Variants in CCSER2 observed in about 807,000 individuals in gnomAD.
CCSER2 encodes the protein coiled-coil serine rich protein 2.
A neutral mutation model predicts 92.3 loss-of-function variants in CCSER2; 46 were observed. That is an observed-to-expected ratio of 0.50 (90% CI 0.39 to 0.64). CCSER2 has a LOEUF of 0.64. Ranked by LOEUF, CCSER2 falls within the 30% of genes least tolerant of loss-of-function variation. CCSER2 has a pLI of 0.00. For missense variants in CCSER2, 1,244 were observed against 1,238.9 expected, an observed-to-expected ratio of 1.00 and a Z score of -0.06; for synonymous variants, 433 against 431.4, an observed-to-expected ratio of 1.00 and a Z score of -0.04.
At chr10:84,411,920 T>G (rs2133366136) in intron 3 of CCSER2, among the ~76,000 whole-genome samples, 1 of 152,302 alleles carries the variant, frequency 6.6e-6, no homozygotes, top group South Asian at 2.1e-4. Flanking sequence ...GCTTTTGCCC[T>G]TTCAGTATGA....
Position 84,513,830 on chromosome 10 carries a change from G to T in CCSER2, c.2707G>T (p.Val903Phe), listed in dbSNP as rs565373126. 382 of 1,536,304 alleles carry T rather than the reference G, an allele frequency of 2.5e-4. 3 individuals are homozygous for T. The South Asian group carries it at 4.4e-3, about 18-fold the overall frequency. Residue 903 changes from valine to phenylalanine, a missense_variant, in exon 10 of 10, where the codon GTT becomes TTT. Coordinates refer to ENST00000372088, the MANE Select transcript of CCSER2 (RefSeq NM_001284240.2). ...AAGTACAGTAGACCAGGCTAAGAGA[G>T]TTGGAAGAAATCAGTCTCCGCCAGT... ...ESSTVDQAKR[V>F]GRNQSPPVGY...
intron 6 of CCSER2, among the ~76,000 whole-genome samples, chr10:84,444,050 T>C (rs1054978825): frequency 6.6e-6 from 1 of 151,918 alleles, no homozygotes; most frequent in Non-Finnish European, 1.5e-5. Context: ...AGATGACAGG[T>C]CAATGGGTGT....
chr10:84,390,250 C>A (rs954834443), intron 3 of CCSER2, among the ~76,000 whole-genome samples: 1 of 152,108 alleles, frequency 6.6e-6, no homozygotes, highest in Non-Finnish European at 1.5e-5. Context: ...CGGTGATAAA[C>A]CTGACTTCCA....
intron 1 of CCSER2, among the ~76,000 whole-genome samples, chr10:84,368,069 T>G (rs1845875296): frequency 6.6e-6 from 1 of 152,152 alleles, no homozygotes; most frequent in Admixed American, 6.6e-5. Flanking sequence ...CAACTCAGTA[T>G]AGGGACTTAG....
At chr10:84,449,607 C>T (rs1341580079) in intron 6 of CCSER2, among the ~76,000 whole-genome samples, 1 of 152,166 alleles carries the variant, frequency 6.6e-6, no homozygotes, top group African/African-American at 2.4e-5. Context: ...ATAATCCCAG[C>T]ACTTTGGGAG....
intron 3 of CCSER2, among the ~76,000 whole-genome samples, chr10:84,397,244 C>T (rs1255693158): frequency 6.6e-6 from 1 of 152,172 alleles, no homozygotes; most frequent in African/African-American, 2.4e-5. Flanking sequence ...CTCATAAAAT[C>T]ATCCTATGAT....
At chr10:84,445,974 G>A (rs982846447) in intron 6 of CCSER2, among the ~76,000 whole-genome samples, 1 of 152,102 alleles carries the variant, frequency 6.6e-6, no homozygotes, top group Non-Finnish European at 1.5e-5. Flanking sequence ...CTGTAAGTGG[G>A]ATTGCTGGGT....
chr10:84,483,021 A>T (rs1256808482), intron 9 of CCSER2, among the ~76,000 whole-genome samples: 2 of 152,230 alleles, frequency 1.3e-5, no homozygotes, highest in Non-Finnish European at 2.9e-5. Context: ...TGAATCAAAG[A>T]TTAATCCATG....
At chr10:84,505,395 A>G (rs1848987337) in intron 9 of CCSER2, among the ~76,000 whole-genome samples, 1 of 152,156 alleles carries the variant, frequency 6.6e-6, no homozygotes, top group Non-Finnish European at 1.5e-5. Context: ...GATGTGTCAA[A>G]TGTGTATTTG....
At chr10:84,489,745 GGTTAATATTGTTATGTGT>G (rs1174464056) in intron 9 of CCSER2, among the ~76,000 whole-genome samples, 1 of 152,094 alleles carries the variant, frequency 6.6e-6, no homozygotes, top group East Asian at 1.9e-4. Flanking sequence ...TTACATTTAA[GGTTAATATTGTTATGTGT>G]GAATTTGATC....
chr10:84,494,954 C>T (rs1456447924), intron 9 of CCSER2, among the ~76,000 whole-genome samples: 1 of 149,958 alleles, frequency 6.7e-6, no homozygotes, highest in Non-Finnish European at 1.5e-5. Flanking sequence ...AGAATGGTTA[C>T]ACCACAAAAC....
chr10:84,457,658 ATTTT>A (rs1845845925), intron 6 of CCSER2, among the ~76,000 whole-genome samples: 2 of 112,896 alleles, frequency 1.8e-5, no homozygotes, highest in East Asian at 2.3e-4. Flanking sequence ...TAATTATATT[ATTTT>A]TAATTTTAGT....
chr10:84,391,997 C>A (rs564570384), intron 3 of CCSER2: 2 of 1,326,514 alleles, frequency 1.5e-6, no homozygotes, highest in African/African-American at 1.4e-5. Flanking sequence ...ATTTCTCTGA[C>A]CAGTTTCCTC....
At chr10:84,395,260 T>G (rs538237665) in intron 3 of CCSER2, among the ~76,000 whole-genome samples, 1 of 151,742 alleles carries the variant, frequency 6.6e-6, no homozygotes, top group Non-Finnish European at 1.5e-5. Flanking sequence ...GTGTAATATG[T>G]TCCTTTTACC....
chr10:84,493,927 G>T (rs1848305368), intron 9 of CCSER2, among the ~76,000 whole-genome samples: 1 of 152,180 alleles, frequency 6.6e-6, no homozygotes, highest in Admixed American at 6.5e-5. Flanking sequence ...GGGGTGATGG[G>T]AGACAGTGAC....
chr10:84,483,365 C>T (rs1017466177), intron 9 of CCSER2, among the ~76,000 whole-genome samples: 1 of 150,582 alleles, frequency 6.6e-6, no homozygotes, highest in Non-Finnish European at 1.5e-5. Context: ...TGCACTCCAG[C>T]CTGGGCAGCA....
intron 9 of CCSER2, among the ~76,000 whole-genome samples, chr10:84,481,296 C>T (rs1589777466): frequency 6.6e-6 from 1 of 152,220 alleles, no homozygotes; most frequent in East Asian, 1.9e-4. Context: ...ATTCTTTCTT[C>T]CTCCTGGCCT....
In CCSER2 at chr10:84,373,672, A is replaced by G. The variant is rs1846185309; in HGVS notation, c.1471A>G (p.Thr491Ala). 1 of 1,613,470 alleles carries G rather than the reference A, an allele frequency of 6.2e-7. No homozygotes were observed. Among genetic ancestry groups the G allele is most frequent in the Non-Finnish European group, 8.5e-7 (1 of 1,179,680 alleles). ...TGGGAATAATTTGGTTTCACCAGAT[A>G]CAGACTACAGAGCTGGTTCTTCGTT... ...TSGNNLVSPDTDYRAGSSFEL... is the reference protein window; with the variant it reads ...TSGNNLVSPDADYRAGSSFEL... Residue 491 changes from threonine to alanine, a missense_variant, in exon 3 of 10, where the codon ACA (threonine) becomes GCA (alanine). Physicochemically the swap from Thr to Ala is moderately conservative, Grantham distance 58. Transcript: ENST00000372088.
At chr10:84,382,237 T>C (rs1468245889) in intron 3 of CCSER2, among the ~76,000 whole-genome samples, 1 of 152,206 alleles carries the variant, frequency 6.6e-6, no homozygotes, top group Admixed American at 6.5e-5. Flanking sequence ...TTTCTTTACT[T>C]CATGATAGCA....
Sources: allele counts gnomAD v4.1 joint callset (sites outside exome capture counted in the v4.1 genomes callset), GRCh38; gene constraint gnomAD v4.1.1; transcripts MANE v1.5; gene names NCBI Gene and HGNC (gene_info 2026-07-23, HGNC 2026-07-21).